The following CAMTA2 variants were observed in gnomAD, a reference collection of about 807,000 sequenced individuals.
The protein encoded by CAMTA2 is calmodulin binding transcription activator 2.
CAMTA2 carries 56 observed loss-of-function variants against 135.7 expected under a neutral mutation model. The observed-to-expected ratio is 0.41, with a 90% CI of 0.33 to 0.52. CAMTA2 has a LOEUF of 0.52. Ranked by LOEUF, CAMTA2 falls within the 20% of genes least tolerant of loss-of-function variation. CAMTA2 has a pLI of 0.16. For synonymous variants in CAMTA2, 591 were observed against 604.6 expected, an observed-to-expected ratio of 0.98 and a Z score of 0.33; for missense variants, 1,358 against 1,553.4, an observed-to-expected ratio of 0.87 and a Z score of 2.11.
At chr17:4,971,979 A>G (rs1446760388) in intron 16 of CAMTA2, among the ~76,000 whole-genome samples, 2 of 152,164 alleles carry the variant, frequency 1.3e-5, no homozygotes, top group Non-Finnish European at 2.9e-5. Flanking sequence ...GTAAGCCACC[A>G]AGCCCGGCCA....
At chr17:4,973,412 G>A (rs904209118) in intron 13 of CAMTA2, among the ~76,000 whole-genome samples, 159 bp from the exon 14 acceptor site, 3 of 152,230 alleles carry the variant, frequency 2.0e-5, no homozygotes, top group Non-Finnish European at 4.4e-5. Flanking sequence ...TCAAAGTGTT[G>A]TAAGTCAGGA....
rs201914974 is a variant in CAMTA2 at position 4,980,186 on chromosome 17, C to T, written c.1136G>A (p.Arg379His). ...APPSPAFDPDRFLNSPQRGQT... is the reference protein window; with the variant it reads ...APPSPAFDPDHFLNSPQRGQT... ...GCCCCTCTGGGGGCTGTTGAGAAAA[C>T]GATCAGGGTCAAAGGCAGGACTGGG... Residue 379 changes from arginine (R) to histidine (H), a missense_variant, in exon 9 of 23, where the codon CGT (arginine) becomes CAT (histidine). Physicochemically the swap from Arg to His is conservative, Grantham distance 29. Around this residue, in one of 4 missense-constraint regions of CAMTA2, gnomAD observed 1,077 missense variants for 1,127.5 expected, o/e 0.96. Coordinates refer to ENST00000348066, the MANE Select transcript of CAMTA2 (RefSeq NM_015099.4). The surrounding 1 kb of genome is among the most constrained non-coding windows in gnomAD (Gnocchi z 5.3). 1.3e-4 allele frequency: 207 copies of T among 1,574,816 alleles called. 2 individuals carry two copies. The highest frequency in any genetic ancestry group is 4.5e-5 in the East Asian group (2 of 44,560).
rs1222684313 is a variant in CAMTA2 at position 4,979,554 on chromosome 17, G to C, written c.1638+130C>G. ...AGAGAGAGATTAGGTAGAGGACTAA[G>C]AAGCCTAAGAAGCCATGAAAACTGA... On this transcript the variant is annotated intron_variant, in intron 9 of 22. Coordinates refer to ENST00000348066, the MANE Select transcript of CAMTA2 (RefSeq NM_015099.4). 9.9e-6 allele frequency: 5 copies of C among 502,528 alleles called. No homozygotes were observed. In the South Asian group the frequency reaches 1.4e-4, roughly 14 times the overall value. The allele number at this position is 502,528 out of a possible 1,614,324, so 31.1% of individuals were successfully genotyped here. A position where few individuals can be genotyped will look rare whatever the true frequency, so the allele number is the denominator to read the frequency against.
intron 1 of CAMTA2, 197 bp from the exon 2 acceptor site, chr17:4,986,483 T>C: frequency 1.8e-6 from 1 of 563,966 alleles, no homozygotes. Context: ...GTGAGCAGAC[T>C]GGACAGGAAG....
chr17:4,980,350 A>G lies in CAMTA2; in HGVS notation c.972T>C (p.Ala324=). 2 of 1,614,102 alleles carry G rather than the reference A, an allele frequency of 1.2e-6. No homozygotes were observed. Among genetic ancestry groups the G allele is most frequent in the Non-Finnish European group, 8.5e-7 (1 of 1,179,960 alleles). The change falls in exon 9 of 23, where the codon GCT becomes GCC. Residue 324 remains alanine, a synonymous_variant. Coordinates refer to ENST00000348066, the MANE Select transcript of CAMTA2 (RefSeq NM_015099.4). The surrounding 1 kb of genome is among the most constrained non-coding windows in gnomAD (Gnocchi z 5.3). ...GCTCCAGTCCTGTCAGGAGGAGGAT[A>G]GCAGTGCCTCCTCTTGAAGAACCCC... ...SRGGSSRGGT[A]ILLLTGLEQR...
rs773498375 is a variant in CAMTA2 at position 4,968,791 on chromosome 17, G to A, written c.3574C>T (p.Leu1192=). ...RMRELKQNQE[L]EGLPQPGLAT ...AGTCCCGGCTGGGGAAGCCCTTCCA[G>A]CTCCTGGTTCTGCTTCAGTTCCCTC... The change falls in exon 23 of 23, where the codon CTG becomes TTG. Residue 1192 remains leucine (L), a synonymous_variant. Coordinates refer to ENST00000348066, the MANE Select transcript of CAMTA2 (RefSeq NM_015099.4). 3 of 1,614,052 alleles carry A rather than the reference G, an allele frequency of 1.9e-6. No homozygotes were observed. Among genetic ancestry groups the A allele is most frequent in the Admixed American group, 3.3e-5 (2 of 60,014 alleles).
At chr17:4,970,220 C>T (rs1411457893) in intron 17 of CAMTA2, 120 bp downstream of exon 17, 7 of 1,407,526 alleles carry the variant, frequency 5.0e-6, no homozygotes, top group Middle Eastern at 1.9e-4. Context: ...CAGTTCAGTT[C>T]GCTTCTCCAA....
Position 4,972,473 on chromosome 17 carries a change from T to C in CAMTA2, c.2567A>G (p.Tyr856Cys). Residue 856 changes from tyrosine to cysteine, a missense_variant, in exon 16 of 23, where the codon TAT (tyrosine) becomes TGT (cysteine). Tyr to Cys is a radical substitution (Grantham distance 194, BLOSUM62 -2). Around this residue, in one of 4 missense-constraint regions of CAMTA2, gnomAD observed 1,077 missense variants for 1,127.5 expected, o/e 0.96. Coordinates refer to ENST00000348066, the MANE Select transcript of CAMTA2 (RefSeq NM_015099.4). ...SDGTFSVTSA[Y>C]SSAPDGSPPP... is the part of the protein sequence containing the mutation. ...GGGACTGCCATCTGGGGCACTAGAA[T>C]AGGCTGACGTGACGGAAAAGGTGCC... The C allele has an allele frequency of 6.2e-7, 1 of 1,612,792 alleles. No homozygotes were observed.
At chr17:4,972,601 G>A (rs2151165873) in intron 15 of CAMTA2, 65 bp from the exon 16 acceptor site, 1 of 1,529,600 alleles carries the variant, frequency 6.5e-7, no homozygotes. Context: ...CAAGTCTCCT[G>A]CCTTCCCCAT....
Position 4,968,054 on chromosome 17 carries a change from G to A in CAMTA2, c.*702C>T. ...AACCAAGCCCATGCACAAGTAGAAA[G>A]TGCCCGTGGAGCCGGCAGGAGGCCC... is the stretch of plus-strand genomic sequence containing the variant. On this transcript the variant is annotated 3_prime_UTR_variant, in exon 23 of 23. Coordinates refer to ENST00000348066, the MANE Select transcript of CAMTA2 (RefSeq NM_015099.4). 1 of 529,000 alleles carries A rather than the reference G, an allele frequency of 1.9e-6. No individual in the cohort carries two copies. Among genetic ancestry groups the A allele is most frequent in the Non-Finnish European group, 3.4e-6 (1 of 296,454 alleles). 32.8% of individuals were successfully genotyped at this position (529,000 alleles called of 1,614,324 possible).
chr17:4,985,850 G>C (rs770151739), intron 3 of CAMTA2, 30 bp downstream of exon 3: 2 of 1,479,004 alleles, frequency 1.4e-6, no homozygotes, highest in South Asian at 2.3e-5. Flanking sequence ...AGGTCTTGCT[G>C]GGCCCCAACC....
At chr17:4,977,633 C>G (rs1023577502) in intron 10 of CAMTA2, among the ~76,000 whole-genome samples, 1 of 152,238 alleles carries the variant, frequency 6.6e-6, no homozygotes, top group African/African-American at 2.4e-5. Flanking sequence ...ATCCTAAGAC[C>G]AGGTGCTGAG....
At chr17:4,983,112 C>T in intron 3 of CAMTA2, 69 bp from the exon 4 acceptor site, 2 of 1,307,340 alleles carry the variant, frequency 1.5e-6, no homozygotes, top group Non-Finnish European at 2.2e-6. Context: ...TCTTGGTCAT[C>T]CTGTCAGTGT....
chr17:4,984,108 G>A (rs1046069547), intron 3 of CAMTA2, among the ~76,000 whole-genome samples: 1 of 151,868 alleles, frequency 6.6e-6, no homozygotes, highest in Non-Finnish European at 1.5e-5. Flanking sequence ...CCACGACCAC[G>A]CCCGGCTAAT....
In CAMTA2 at chr17:4,974,261, G is replaced by C. The variant is rs1972478844; in HGVS notation, c.2016+124C>G. ...TGGGAACAGGGTGACGTCAGGGAGA[G>C]GGAAGACAGGCTGAGGAGGCTGGGG... On this transcript the variant is annotated intron_variant, in intron 12 of 22. Transcript: ENST00000348066. The C allele has an allele frequency of 4.5e-6, 3 of 674,078 alleles. No individual in the cohort carries two copies. In the Admixed American group the frequency reaches 6.9e-5, roughly 15 times the overall value. The allele number at this position is 674,078 out of a possible 1,614,324, so 41.8% of individuals were successfully genotyped here.
rs1319726247 is a variant in CAMTA2 at position 4,980,299 on chromosome 17, G to A, written c.1023C>T (p.Thr341=). The change falls in exon 9 of 23, where the codon ACC becomes ACT. Residue 341 remains threonine, a synonymous_variant. Coordinates refer to ENST00000348066, the MANE Select transcript of CAMTA2 (RefSeq NM_015099.4). This position sits in a 1 kb window ranked among gnomAD's most constrained non-coding sequence, Gnocchi z 5.3. ...GATCAGCCTGTGGAGCCAAGTGCCT[G>A]GTGGGCGTCAAGCCTCCAGCCCGCT... is the stretch of plus-strand genomic sequence containing the variant. The part of the protein sequence containing the change: ...LEQRAGGLTP[T]RHLAPQADPR... The A allele has an allele frequency of 1.2e-6, 2 of 1,611,604 alleles. No homozygotes were observed. Among genetic ancestry groups the A allele is most frequent in the Non-Finnish European group, 8.5e-7 (1 of 1,178,492 alleles).
intron 11 of CAMTA2, 29 bp downstream of exon 11, chr17:4,977,029 T>C (rs1972656687): frequency 6.2e-7 from 1 of 1,612,640 alleles, no homozygotes; most frequent in African/African-American, 1.3e-5. Context: ...GTGGGCTGGA[T>C]ACTTGGGTTC....
In CAMTA2 at chr17:4,977,158, T is replaced by G. The variant is rs1449122237; in HGVS notation, c.1800A>C (p.Ala600=). The G allele has an allele frequency of 6.2e-7, 1 of 1,613,922 alleles. No individual in the cohort carries two copies. Among genetic ancestry groups the G allele is most frequent in the Non-Finnish European group, 8.5e-7 (1 of 1,179,988 alleles). The change falls in exon 11 of 23, where the codon GCA becomes GCC. Residue 600 remains alanine, a synonymous_variant. Transcript: ENST00000348066. ...HEVGLVSLQV[A]GREGPLSASV... ...AAGCAGAAAGGGGCCCCTCCCGCCC[T>G]GCCACCTGCAAAGACACCAGCCCTA... is the stretch of plus-strand genomic sequence containing the variant.
intron 14 of CAMTA2, 23 bp from the exon 15 acceptor site, chr17:4,973,014 CGGAGACGGA>C: frequency 6.3e-7 from 1 of 1,599,908 alleles, no homozygotes; most frequent in Non-Finnish European, 8.6e-7. Context: ...GCGGGACAGG[CGGAGACGGA>C]GGTGGAGGTG....
Sources: allele counts gnomAD v4.1 joint callset (sites outside exome capture counted in the v4.1 genomes callset), GRCh38; gene constraint gnomAD v4.1.1; regional missense constraint gnomAD v4.1.1; non-coding constraint Gnocchi (gnomAD v3.1); transcripts MANE v1.5; gene names NCBI Gene and HGNC (gene_info 2026-07-23, HGNC 2026-07-21).